CCDC171: variants seen among roughly 807,000 people sequenced by gnomAD.
CCDC171 encodes coiled-coil domain containing 171, also known as coiled-coil domain-containing protein 171.
In CCDC171, 177 loss-of-function variants were observed where a neutral mutation model predicts 168.2. The observed-to-expected ratio is 1.05, with a 90% CI of 0.93 to 1.19. CCDC171 has a LOEUF of 1.19. Among genes scored for constraint, CCDC171 ranks in the 50% most tolerant of loss-of-function variants. CCDC171 has a pLI of 0.00. For missense variants in CCDC171, 1,991 were observed against 1,539.0 expected (o/e 1.29, Z -4.91); for synonymous variants, 687 against 540.8 (o/e 1.27, Z -3.75).
At chr9:15,755,246 T>C (rs2056026568) in intron 18 of CCDC171, among the ~76,000 whole-genome samples, 1 of 152,174 alleles carries the variant, frequency 6.6e-6, no homozygotes, top group Non-Finnish European at 1.5e-5. Flanking sequence ...CTGGCTACTC[T>C]ACTTTCAGGC....
At chr9:16,094,207 T>C in the CCDC171 span, among the ~76,000 whole-genome samples, 1 of 152,166 alleles carries the variant, frequency 6.6e-6, no homozygotes, top group Non-Finnish European at 1.5e-5. Context: ...CTGCATCAGG[T>C]TAAAGTATTT....
intron 20 of CCDC171, among the ~76,000 whole-genome samples, chr9:15,779,566 G>C (rs1358513506): frequency 6.6e-6 from 1 of 152,000 alleles, no homozygotes; most frequent in Non-Finnish European, 1.5e-5. Flanking sequence ...CTCCATGTTG[G>C]CCGGGGTGTT....
chr9:15,701,065 C>G (rs536208527), intron 11 of CCDC171, among the ~76,000 whole-genome samples: 1 of 152,034 alleles, frequency 6.6e-6, no homozygotes, highest in African/African-American at 2.4e-5. Flanking sequence ...ATGTCCTTTG[C>G]GTGCTTTTTA....
intron 25 of CCDC171, 92 bp downstream of exon 25, chr9:15,920,514 A>G (rs1385360312): frequency 3.7e-5 from 33 of 888,850 alleles, no homozygotes; most frequent in Non-Finnish European, 4.6e-5. Flanking sequence ...TCATTTGCCA[A>G]TATATATAAT....
At chr9:15,985,246 A>G in intron 3 of CCDC171, among the ~76,000 whole-genome samples, 1 of 152,314 alleles carries the variant, frequency 6.6e-6, no homozygotes, top group East Asian at 1.9e-4. Context: ...GCAGTACACC[A>G]AGTGAAAAGG....
intron 18 of CCDC171, among the ~76,000 whole-genome samples, chr9:15,765,952 C>T (rs572326023): frequency 9.2e-5 from 14 of 152,116 alleles, no homozygotes; most frequent in East Asian, 1.9e-4. Context: ...GTTTATGTAA[C>T]GAACAGCCTC....
intron 9 of CCDC171, among the ~76,000 whole-genome samples, chr9:15,675,187 G>GTTTTTTTTTTTTTTT (rs138989790): frequency 5.3e-5 from 4 of 75,544 alleles, no homozygotes; most frequent in Non-Finnish European, 6.8e-5. Context: ...TGCAACTCCT[G>GTTTTTTTTTTTTTTT]TTTTTTTTTT....
intron 9 of CCDC171, among the ~76,000 whole-genome samples, chr9:15,674,199 G>A (rs2049341483): frequency 6.6e-6 from 1 of 152,022 alleles, no homozygotes; most frequent in Non-Finnish European, 1.5e-5. Context: ...TGGGATCGGT[G>A]GTGAGATCCC....
intron 21 of CCDC171, among the ~76,000 whole-genome samples, chr9:15,822,847 A>C (rs1410443675): frequency 1.3e-5 from 2 of 152,136 alleles, no homozygotes; most frequent in Admixed American, 6.5e-5. Context: ...ATATACCCAA[A>C]GGATTATAAA....
chr9:15,864,777 G>C (rs948149757), intron 23 of CCDC171, among the ~76,000 whole-genome samples: 1 of 152,088 alleles, frequency 6.6e-6, no homozygotes, highest in Non-Finnish European at 1.5e-5. Flanking sequence ...CTAATAGAGA[G>C]ATATCTCAGT....
chr9:15,816,396 A>G (rs1191377190), intron 21 of CCDC171, among the ~76,000 whole-genome samples: 1 of 119,358 alleles, frequency 8.4e-6, no homozygotes, highest in Non-Finnish European at 1.9e-5. Context: ...TCACTCACAT[A>G]TAAACATTAT....
At chr9:15,855,548 G>A (rs976257892) in intron 23 of CCDC171, among the ~76,000 whole-genome samples, 1 of 151,828 alleles carries the variant, frequency 6.6e-6, no homozygotes, top group Non-Finnish European at 1.5e-5. Flanking sequence ...TACATTTAAC[G>A]TAATTGTGAT....
chr9:15,718,404 C>T (rs775515110), intron 11 of CCDC171, among the ~76,000 whole-genome samples: 8 of 152,208 alleles, frequency 5.3e-5, no homozygotes, highest in Non-Finnish European at 1.0e-4. Context: ...GGGAGCTTGC[C>T]ATCTTGAGGA....
chr9:16,063,718 A>G (rs547749666), downstream of CCDC171, among the ~76,000 whole-genome samples: 4 of 152,284 alleles, frequency 2.6e-5, no homozygotes, highest in South Asian at 2.1e-4. Flanking sequence ...TTGTTCATAG[A>G]TAGTTCCCAG....
intron 1 of CCDC171, among the ~76,000 whole-genome samples, chr9:16,056,270 C>T (rs765110611): frequency 3.1e-4 from 47 of 152,110 alleles, no homozygotes; most frequent in Non-Finnish European, 1.3e-4. Context: ...TGTTGCCCAA[C>T]GGAACTTTCT....
chr9:15,681,757 T>G (rs2050055514), intron 10 of CCDC171, among the ~76,000 whole-genome samples: 2 of 152,110 alleles, frequency 1.3e-5, no homozygotes, highest in South Asian at 4.1e-4. Context: ...GAAATGAAGT[T>G]TTTCTAGTTC....
intron 9 of CCDC171, among the ~76,000 whole-genome samples, chr9:15,666,895 C>T (rs900926378): frequency 7.9e-5 from 12 of 152,182 alleles, no homozygotes; most frequent in African/African-American, 2.9e-4. Context: ...AGTAACACTA[C>T]TACTAATAGT....
At chr9:15,916,876 T>A (rs2987062) in intron 24 of CCDC171, among the ~76,000 whole-genome samples, 110,049 of 151,790 alleles carry the variant, frequency 0.73, 41,689 homozygotes, top group East Asian at 0.85. Flanking sequence ...ACTAACCGAG[T>A]CTCACTGAGA....
At chr9:15,711,190 A>T (rs2052636654) in intron 11 of CCDC171, among the ~76,000 whole-genome samples, 1 of 152,196 alleles carries the variant, frequency 6.6e-6, no homozygotes, top group Non-Finnish European at 1.5e-5. Flanking sequence ...TTAAATATGA[A>T]TACGAATAAT....
Sources: allele counts gnomAD v4.1 joint callset (sites outside exome capture counted in the v4.1 genomes callset), GRCh38; gene constraint gnomAD v4.1.1; transcripts MANE v1.5; gene names NCBI Gene and HGNC (gene_info 2026-07-23, HGNC 2026-07-21).